The following GRIA4 variants were observed in gnomAD, a reference collection of about 807,000 sequenced individuals.
GRIA4 encodes the protein glutamate receptor 4.
GRIA4 carries 34 observed loss-of-function variants against 104.0 expected under a neutral mutation model. The observed-to-expected ratio is 0.33, with a 90% CI of 0.25 to 0.44. GRIA4 has a LOEUF of 0.44. Among genes scored for constraint, GRIA4 ranks in the 20% least tolerant of loss-of-function variants. GRIA4 has a pLI of 1.00. For synonymous variants in GRIA4, 386 were observed against 381.9 expected, an observed-to-expected ratio of 1.01 and a Z score of -0.13; for missense variants, 750 against 1,096.5, an observed-to-expected ratio of 0.68 and a Z score of 4.46.
intron 4 of GRIA4, among the ~76,000 whole-genome samples, chr11:105,779,424 A>T (rs1941609067): frequency 6.6e-6 from 1 of 151,798 alleles, no homozygotes; most frequent in African/African-American, 2.4e-5. Flanking sequence ...TTCTTCACAG[A>T]ATTGGAAAAA....
At chr11:105,918,465 G>A (rs1479943405) in intron 10 of GRIA4, among the ~76,000 whole-genome samples, 1 of 151,992 alleles carries the variant, frequency 6.6e-6, no homozygotes, top group Non-Finnish European at 1.5e-5. Context: ...ATAGTGCTAG[G>A]TTTTTAATAC....
At chr11:105,715,908 C>T (rs947452040) in intron 3 of GRIA4, among the ~76,000 whole-genome samples, 1 of 152,116 alleles carries the variant, frequency 6.6e-6, no homozygotes, top group African/African-American at 2.4e-5. Context: ...CTGAAAATGG[C>T]CCACGTTATT....
chr11:105,710,868 T>C (rs1020948701), intron 3 of GRIA4, among the ~76,000 whole-genome samples: 3 of 152,118 alleles, frequency 2.0e-5, no homozygotes, highest in Non-Finnish European at 4.4e-5. Flanking sequence ...TAGCAAATAT[T>C]AAATACACAA....
intron 3 of GRIA4, among the ~76,000 whole-genome samples, chr11:105,622,421 A>G (rs541752456): frequency 6.6e-6 from 1 of 152,056 alleles, no homozygotes; most frequent in South Asian, 2.1e-4. Flanking sequence ...ACATTTGTGC[A>G]AAACTGATGC....
At chr11:105,611,149 A>C (rs537606217) in intron 2 of GRIA4, 64 bp downstream of exon 2, 198 of 1,150,052 alleles carry the variant, frequency 1.7e-4, no homozygotes, top group Non-Finnish European at 2.5e-4. Flanking sequence ...AAGTGAGTTA[A>C]ATGAGTTGCT....
intron 3 of GRIA4, among the ~76,000 whole-genome samples, chr11:105,742,571 T>C (rs1261351159): frequency 3.3e-5 from 5 of 150,808 alleles, no homozygotes; most frequent in Admixed American, 1.3e-4. Flanking sequence ...TATACATGTG[T>C]GTATATATAT....
At chr11:105,847,474 C>T (rs1447319060) in intron 4 of GRIA4, among the ~76,000 whole-genome samples, 1 of 152,128 alleles carries the variant, frequency 6.6e-6, no homozygotes, top group Non-Finnish European at 1.5e-5. Flanking sequence ...CCATAAAAAA[C>T]CTCTTTATCT....
chr11:105,956,742 T>C (rs867910386), intron 14 of GRIA4, among the ~76,000 whole-genome samples: 1 of 152,336 alleles, frequency 6.6e-6, no homozygotes, highest in Non-Finnish European at 1.5e-5. Flanking sequence ...AAAGTGTTCC[T>C]ATTTCTCCAC....
chr11:105,652,674 G>C (rs1951717165), intron 3 of GRIA4, among the ~76,000 whole-genome samples: 1 of 151,890 alleles, frequency 6.6e-6, no homozygotes, highest in African/African-American at 2.4e-5. Context: ...TATGACTCAT[G>C]CTGATTCATA....
At chr11:105,672,514 T>C (rs950335039) in intron 3 of GRIA4, among the ~76,000 whole-genome samples, 2 of 152,170 alleles carry the variant, frequency 1.3e-5, no homozygotes, top group Non-Finnish European at 1.5e-5. Flanking sequence ...AAGGACACTT[T>C]CTAATGATAA....
intron 5 of GRIA4, among the ~76,000 whole-genome samples, chr11:105,884,867 T>C (rs1205704389): frequency 6.6e-6 from 1 of 152,222 alleles, no homozygotes; most frequent in Non-Finnish European, 1.5e-5. Context: ...CTTTTTAACA[T>C]TTACAAGTAT....
chr11:105,717,819 G>A (rs941424437), intron 3 of GRIA4, among the ~76,000 whole-genome samples: 6 of 149,354 alleles, frequency 4.0e-5, no homozygotes, highest in South Asian at 2.1e-4. Context: ...CCACTAACTC[G>A]TCATCTAGCA....
intron 3 of GRIA4, among the ~76,000 whole-genome samples, chr11:105,686,754 A>G (rs1952895185): frequency 6.6e-6 from 1 of 152,138 alleles, no homozygotes; most frequent in South Asian, 2.1e-4. Flanking sequence ...TTGAGTTTTT[A>G]GTAATAGCCA....
At chr11:105,853,290 A>T (rs1324834424) in intron 4 of GRIA4, among the ~76,000 whole-genome samples, 1 of 152,084 alleles carries the variant, frequency 6.6e-6, no homozygotes, top group African/African-American at 2.4e-5. Context: ...CTTCAATCCT[A>T]AGTTTCTGAA....
chr11:105,782,486 G>A (rs888418706), intron 4 of GRIA4, among the ~76,000 whole-genome samples: 17 of 152,062 alleles, frequency 1.1e-4, no homozygotes, highest in Admixed American at 2.6e-4. Flanking sequence ...TTTCTGTAAC[G>A]GTGTAAATTT....
intron 12 of GRIA4, among the ~76,000 whole-genome samples, chr11:105,925,568 A>C (rs1220649990): frequency 6.6e-6 from 1 of 152,112 alleles, no homozygotes; most frequent in Non-Finnish European, 1.5e-5. Flanking sequence ...TGCTTTCTCA[A>C]AAAAGAGGCA....
At chr11:105,916,516 C>T (rs889085742) in intron 10 of GRIA4, among the ~76,000 whole-genome samples, 1 of 152,164 alleles carries the variant, frequency 6.6e-6, no homozygotes, top group African/African-American at 2.4e-5. Context: ...TGCAAGAGAT[C>T]AAGGGGCACA....
chr11:105,622,377 A>C (rs547338529), intron 3 of GRIA4, among the ~76,000 whole-genome samples: 3 of 151,970 alleles, frequency 2.0e-5, no homozygotes, highest in African/African-American at 7.2e-5. Context: ...ATTTATTTGC[A>C]TAAGCTGCTC....
chr11:105,667,440 T>C (rs1258644113), intron 3 of GRIA4, among the ~76,000 whole-genome samples: 2 of 152,002 alleles, frequency 1.3e-5, no homozygotes, highest in African/African-American at 4.8e-5. Flanking sequence ...ATGAACTCGT[T>C]TCTTTTCAGT....
Sources: allele counts gnomAD v4.1 joint callset (sites outside exome capture counted in the v4.1 genomes callset), GRCh38; gene constraint gnomAD v4.1.1; transcripts MANE v1.5; gene names NCBI Gene and HGNC (gene_info 2026-07-23, HGNC 2026-07-21).